Variants in CD53 observed in about 807,000 individuals in gnomAD.
The protein encoded by CD53 is leukocyte surface antigen CD53.
Under a neutral mutation model 27.3 loss-of-function variants are expected in CD53, and 20 were observed. The ratio of observed to expected loss-of-function variants is 0.73; its 90% CI spans 0.52 to 1.07. The LOEUF (loss-of-function observed/expected upper bound fraction) is 1.07. Ranked by LOEUF, CD53 falls within the 50% of genes least tolerant of loss-of-function variation. CD53 has a pLI of 0.00. For missense variants in CD53, 216 were observed against 264.0 expected (o/e 0.82, Z 1.26); for synonymous variants, 106 against 105.3 (o/e 1.01, Z -0.04).
chr1:110,889,279 G>T (rs796425038), intron 1 of CD53, among the ~76,000 whole-genome samples: 10 of 152,124 alleles, frequency 6.6e-5, no homozygotes, highest in African/African-American at 2.2e-4. Flanking sequence ...ATAATTGGCC[G>T]GGTGTGGTGG....
At chr1:110,886,397 G>A (rs192381814) in intron 1 of CD53, among the ~76,000 whole-genome samples, 30 of 152,046 alleles carry the variant, frequency 2.0e-4, no homozygotes, top group African/African-American at 5.5e-4. Context: ...GTTCCATAGG[G>A]ATATTATTTT....
At chr1:110,872,873 T>C (rs1244005311), upstream of CD53, among the ~76,000 whole-genome samples, 2 of 152,202 alleles carry the variant, frequency 1.3e-5, no homozygotes, top group African/African-American at 2.4e-5. Context: ...AGAAGCACTG[T>C]CCTTTTCTAA....
intron 1 of CD53, among the ~76,000 whole-genome samples, chr1:110,886,263 T>C (rs1656598459): frequency 6.6e-6 from 1 of 152,174 alleles, no homozygotes; most frequent in South Asian, 2.1e-4. Context: ...TGTCTTTTTT[T>C]CCCCTGGTTG....
intron 3 of CD53, among the ~76,000 whole-genome samples, chr1:110,893,202 G>A (rs144644905): frequency 2.6e-5 from 4 of 152,346 alleles, no homozygotes; most frequent in Non-Finnish European, 5.9e-5. Flanking sequence ...TGGTGTAACA[G>A]TGCCACTCTA....
At position 110,891,572 on chromosome 1, in the gene CD53, T is replaced by A. The variant is rs140717889; in HGVS notation, c.63+101T>A. On this transcript the variant is annotated intron_variant, in intron 2 of 7. Transcript: ENST00000271324. ...GCTGGTGTGGGGTAAAATGCATGCG[T>A]GTTTGGGTCATGTCCAGCACAACCA... 923 of 860,594 alleles carry A rather than the reference T, an allele frequency of 1.1e-3. 10 individuals carry two copies. The African/African-American group carries it at 0.014, about 13-fold the overall frequency. The allele number at this position is 860,594 out of a possible 1,614,324, so 53.3% of individuals were successfully genotyped here. A position where few individuals can be genotyped will look rare whatever the true frequency, so the allele number is the denominator to read the frequency against.
intron 1 of CD53, among the ~76,000 whole-genome samples, chr1:110,882,242 T>C (rs1425314746): frequency 6.6e-6 from 1 of 152,186 alleles, no homozygotes; most frequent in Non-Finnish European, 1.5e-5. Flanking sequence ...TTTAGATCTA[T>C]GATTCATCAC....
At chr1:110,889,626 G>A (rs115748007) in intron 1 of CD53, among the ~76,000 whole-genome samples, 7 of 152,014 alleles carry the variant, frequency 4.6e-5, no homozygotes, top group African/African-American at 1.7e-4. Flanking sequence ...ATTGAGTACC[G>A]GTCTTGCTGT....
chr1:110,879,389 C>G (rs943514439), intron 1 of CD53, among the ~76,000 whole-genome samples: 1 of 152,184 alleles, frequency 6.6e-6, no homozygotes, highest in Non-Finnish European at 1.5e-5. Context: ...CAAAACTAGA[C>G]CTGTCTGATT....
intron 7 of CD53, 64 bp downstream of exon 7, chr1:110,897,956 A>C: frequency 1.1e-6 from 1 of 872,106 alleles, no homozygotes; most frequent in Non-Finnish European, 1.9e-6. Flanking sequence ...AGATTTCAGA[A>C]TAATACCAGG....
chr1:110,887,371 T>C (rs76051843), intron 1 of CD53, among the ~76,000 whole-genome samples: 1,621 of 152,246 alleles, frequency 0.011, 35 homozygotes, highest in African/African-American at 0.037. Flanking sequence ...GCCTATTTTT[T>C]TGAAAACATA....
intron 1 of CD53, among the ~76,000 whole-genome samples, chr1:110,882,631 T>G (rs896987085): frequency 3.3e-5 from 5 of 152,032 alleles, no homozygotes; most frequent in Admixed American, 1.3e-4. Context: ...TTGATGGGGA[T>G]TACAATCTAT....
At chr1:110,874,656 G>C (rs908397796) in intron 1 of CD53, among the ~76,000 whole-genome samples, 4 of 152,224 alleles carry the variant, frequency 2.6e-5, no homozygotes, top group African/African-American at 9.6e-5. Flanking sequence ...GTGTGGGCCA[G>C]TTAAGAACAC....
intron 1 of CD53, among the ~76,000 whole-genome samples, chr1:110,887,356 G>A (rs575741227): frequency 7.2e-5 from 11 of 152,232 alleles, no homozygotes; most frequent in East Asian, 5.8e-4. Flanking sequence ...GAGCCACCGC[G>A]CCCAGCCTAT....
At chr1:110,896,339 C>T (rs1386889401) in intron 5 of CD53, among the ~76,000 whole-genome samples, 1 of 152,178 alleles carries the variant, frequency 6.6e-6, no homozygotes, top group Non-Finnish European at 1.5e-5. Context: ...TTTCTGTGAT[C>T]TTAAGATTGG....
upstream of CD53, among the ~76,000 whole-genome samples, chr1:110,872,362 C>T (rs536023505): frequency 2.4e-4 from 37 of 152,284 alleles, no homozygotes; most frequent in South Asian, 1.5e-3. Context: ...CCTCTTTGAG[C>T]GCCTGTTTTC....
chr1:110,886,873 T>A (rs866140906), intron 1 of CD53, among the ~76,000 whole-genome samples: 225 of 82,728 alleles, frequency 2.7e-3, no homozygotes, highest in South Asian at 6.1e-3. Flanking sequence ...ATATATATTT[T>A]TTTTTTCTGT....
Position 110,896,750 on chromosome 1 carries a change from T to G in CD53, c.504+17T>G, listed in dbSNP as rs1353392744. 6.2e-7 allele frequency: 1 copy of G among 1,607,144 alleles called. No homozygotes were observed. Among genetic ancestry groups the G allele is most frequent in the East Asian group, 2.2e-5 (1 of 44,780 alleles). ...AAAGTGGAGGTAATTTTGTCGGCAA[T>G]GTTTCTGTTATTGACCTCTTTGTTT... On this transcript the variant is annotated intron_variant, in intron 6 of 7. Coordinates refer to ENST00000271324, the MANE Select transcript of CD53 (RefSeq NM_000560.4).
intron 1 of CD53, among the ~76,000 whole-genome samples, chr1:110,885,522 A>G (rs1656545613): frequency 6.6e-6 from 1 of 151,878 alleles, no homozygotes; most frequent in Non-Finnish European, 1.5e-5. Context: ...TGGGCGACAG[A>G]GCGAGACTCT....
At chr1:110,893,068 C>T (rs1557819916) in intron 3 of CD53, among the ~76,000 whole-genome samples, 1 of 152,182 alleles carries the variant, frequency 6.6e-6, no homozygotes, top group Non-Finnish European at 1.5e-5. Context: ...GATGCTACAG[C>T]CTTTTGCATG....
Sources: gnomAD v4.1 joint callset for allele counts (sites outside exome capture counted in the v4.1 genomes callset) on GRCh38, gnomAD v4.1.1 for gene constraint, MANE v1.5 for transcripts, NCBI Gene and HGNC (gene_info 2026-07-23, HGNC 2026-07-21) for gene names.